SPATA6L: variants seen among roughly 807,000 people sequenced by gnomAD.
SPATA6L encodes spermatogenesis associated 6 like.
Under a neutral mutation model 49.2 loss-of-function variants are expected in SPATA6L, and 68 were observed. The observed-to-expected ratio is 1.38, with a 90% confidence interval of 1.14 to 1.69. The LOEUF is 1.69. SPATA6L is among the 40% of genes most tolerant of loss of function. The pLI is 0.00. For missense variants in SPATA6L, 668 were observed against 464.3 expected (o/e 1.44, Z -4.03); for synonymous variants, 198 against 165.7 (o/e 1.19, Z -1.50).
intron 4 of SPATA6L, among the ~76,000 whole-genome samples, chr9:4,634,870 T>C (rs1221624186): frequency 3.3e-5 from 5 of 152,228 alleles, no homozygotes; most frequent in African/African-American, 1.2e-4. Flanking sequence ...ATGGAGACCA[T>C]ATCTGCCTTG....
rs185067261 is a variant in SPATA6L, at chr9:4,622,724, C to T, written c.670-214G>A. On this transcript the variant is annotated intron_variant, in intron 6 of 11. Coordinates refer to ENST00000682582, the MANE Select transcript of SPATA6L (RefSeq NM_001353486.2). The stretch of plus-strand genomic sequence containing the variant: ...CTTCACTGAGGCTAGAACATGAGGA[C>T]GTAAGCTAAACATTAGCATAAAAAC... Among the ~76,000 whole-genome samples, 98 of 152,258 alleles carry T rather than the reference C, an allele frequency of 6.4e-4. 2 individuals are homozygous for T. Among genetic ancestry groups the T allele is most frequent in the African/African-American group, 2.1e-3 (89 of 41,552 alleles).
At chr9:4,661,772 C>T in intron 2 of SPATA6L, 127 bp downstream of exon 2, 4 of 938,894 alleles carry the variant, frequency 4.3e-6, no homozygotes, top group Non-Finnish European at 5.7e-6. Flanking sequence ...TTGCATTGTG[C>T]TGAAGTGCTT....
At position 4,617,962 on chromosome 9, in the gene SPATA6L, G is replaced by T; in HGVS notation, c.956C>A (p.Thr319Asn). 3 of 1,613,966 alleles carry T rather than the reference G, an allele frequency of 1.9e-6. No homozygotes were observed. Among genetic ancestry groups the T allele is most frequent in the Non-Finnish European group, 1.7e-6 (2 of 1,179,962 alleles). ...GGGCTGATCCAAGGGGCCAGGAGAG[G>T]TGGAATGCTGGTAGGTGGCAAATGA... is the stretch of plus-strand genomic sequence containing the variant. ...KASFATYQHSTSPGPLDQPLL... is the reference protein window; with the variant it reads ...KASFATYQHSNSPGPLDQPLL... The change falls in exon 9 of 12, where the codon ACC becomes AAC. Residue 319 changes from threonine to asparagine, a missense_variant. Thr to Asn is a moderately conservative substitution (Grantham distance 65). Coordinates refer to ENST00000682582, the MANE Select transcript of SPATA6L (RefSeq NM_001353486.2).
chr9:4,621,241 T>C (rs971175732), intron 7 of SPATA6L, among the ~76,000 whole-genome samples: 3 of 152,208 alleles, frequency 2.0e-5, no homozygotes, highest in Non-Finnish European at 4.4e-5. Context: ...GCATGATTCA[T>C]GGATTTCAGT....
At chr9:4,632,574 C>T (rs1479252867) in intron 4 of SPATA6L, among the ~76,000 whole-genome samples, 2 of 138,304 alleles carry the variant, frequency 1.4e-5, no homozygotes, top group Non-Finnish European at 3.0e-5. Context: ...CCAGCCTGGG[C>T]AACAGAGCAA....
chr9:4,604,789 T>C (rs973459519), intron 10 of SPATA6L, among the ~76,000 whole-genome samples: 4 of 152,184 alleles, frequency 2.6e-5, no homozygotes, highest in African/African-American at 9.7e-5. Context: ...TATATTTGAA[T>C]TCTTTGAGCA....
intron 9 of SPATA6L, among the ~76,000 whole-genome samples, chr9:4,615,340 T>C (rs1827725631): frequency 6.6e-6 from 1 of 152,212 alleles, no homozygotes; most frequent in Non-Finnish European, 1.5e-5. Flanking sequence ...TAAATGTTAG[T>C]GTTCCCATTG....
intron 1 of SPATA6L, 128 bp downstream of exon 1, chr9:4,666,084 G>A: frequency 1.2e-6 from 1 of 851,614 alleles, no homozygotes; most frequent in South Asian, 1.4e-5. Flanking sequence ...ACAAAGGTGC[G>A]ATCTGTCCCA....
chr9:4,601,141 G>A (rs1282204131), intron 11 of SPATA6L, among the ~76,000 whole-genome samples: 1 of 152,154 alleles, frequency 6.6e-6, no homozygotes, highest in African/African-American at 2.4e-5. Flanking sequence ...TGTTAAACGT[G>A]TTCCAATTAA....
chr9:4,635,622 G>T (rs1432733832), intron 3 of SPATA6L, among the ~76,000 whole-genome samples: 1 of 152,084 alleles, frequency 6.6e-6, no homozygotes, highest in African/African-American at 2.4e-5. Context: ...AGACTAAAGA[G>T]ATGTTCTACA....
intron 2 of SPATA6L, among the ~76,000 whole-genome samples, chr9:4,660,789 C>T (rs1254745531): frequency 6.6e-6 from 1 of 152,232 alleles, no homozygotes. Context: ...CCCAAATGTC[C>T]ATCAGTGATA....
intron 9 of SPATA6L, among the ~76,000 whole-genome samples, chr9:4,612,662 C>T (rs1302551567): frequency 3.3e-5 from 5 of 152,262 alleles, no homozygotes; most frequent in African/African-American, 1.2e-4. Context: ...GGTCTTTACT[C>T]CTAGAGTGAA....
chr9:4,605,977 G>T (rs1824767301), intron 9 of SPATA6L, among the ~76,000 whole-genome samples: 2 of 152,168 alleles, frequency 1.3e-5, no homozygotes, highest in South Asian at 4.1e-4. Flanking sequence ...GCCGAAGCAG[G>T]GCGAGGCATT....
intron 1 of SPATA6L, chr9:4,663,610 A>C (rs1467386746): frequency 4.0e-6 from 1 of 252,538 alleles, no homozygotes; most frequent in Non-Finnish European, 8.3e-6. Context: ...GATAATCCCT[A>C]AATCAACATA....
In SPATA6L at chr9:4,635,448, G is replaced by A. The variant is rs12353399; in HGVS notation, c.227-49C>T. 3.6e-3 allele frequency: 5,532 copies of A among 1,533,190 alleles called. 189 individuals are homozygous for A. In the African/African-American group the frequency reaches 0.069, roughly 19 times the overall value. 95.0% of individuals were successfully genotyped at this position (1,533,190 alleles called of 1,614,324 possible). A position where few individuals can be genotyped will look rare whatever the true frequency, so the allele number is the denominator to read the frequency against. On this transcript the variant is annotated intron_variant, in intron 3 of 11. Coordinates refer to ENST00000682582, the MANE Select transcript of SPATA6L (RefSeq NM_001353486.2). ...TAAATATCTGTATTTACACCTCCAG[G>A]CTTAACAAAATAAAAGTTCAGGCAG...
intron 11 of SPATA6L, among the ~76,000 whole-genome samples, chr9:4,602,178 C>A (rs949944440): frequency 2.6e-5 from 4 of 151,998 alleles, no homozygotes; most frequent in South Asian, 4.1e-4. Flanking sequence ...TCTATCCCCC[C>A]ACATCAATGT....
intron 3 of SPATA6L, among the ~76,000 whole-genome samples, chr9:4,641,388 G>A (rs781707738): frequency 3.9e-5 from 6 of 152,054 alleles, no homozygotes; most frequent in Non-Finnish European, 7.4e-5. Flanking sequence ...GGTAAAAAGA[G>A]CATAATAATA....
chr9:4,627,925 G>A, intron 5 of SPATA6L: 2 of 713,544 alleles, frequency 2.8e-6, no homozygotes, highest in East Asian at 7.0e-5. Context: ...GTGCTATTCA[G>A]CCATTATTTT....
chr9:4,660,990 T>C lies in SPATA6L; in HGVS notation c.177+909A>G, dbSNP rs190954982. 4.8e-3 allele frequency among the ~76,000 whole-genome samples: 736 copies of C among 152,064 alleles called. 9 individuals are homozygous for C. Among genetic ancestry groups the C allele is most frequent in the African/African-American group, 0.017 (698 of 41,442 alleles). On this transcript the variant is annotated intron_variant, in intron 2 of 11. Transcript: ENST00000682582. ...GGTGGGAATTGAACAATGACAACAC[T>C]TGGACACAGGGTGGGGAACATCACA...
Sources: gnomAD v4.1 joint callset for allele counts (sites outside exome capture counted in the v4.1 genomes callset) on GRCh38, gnomAD v4.1.1 for gene constraint, MANE v1.5 for transcripts, NCBI Gene and HGNC (gene_info 2026-07-23, HGNC 2026-07-21) for gene names.